The following RETREG1 variants were observed in gnomAD, a reference collection of about 807,000 sequenced individuals.
RETREG1 encodes reticulophagy regulator 1, also known as family with sequence similarity 134 member B.
Under a neutral mutation model 54.8 loss-of-function variants are expected in RETREG1, and 44 were observed. The ratio of observed to expected loss-of-function variants is 0.80; its 90% confidence interval spans 0.63 to 1.03. RETREG1 has a LOEUF of 1.03. Among genes scored for constraint, RETREG1 ranks in the 50% least tolerant of loss-of-function variants. RETREG1 has a pLI of 0.00. For missense variants in RETREG1, 554 were observed against 605.1 expected, an observed-to-expected ratio of 0.92 and a Z score of 0.89; for synonymous variants, 217 against 238.5, an observed-to-expected ratio of 0.91 and a Z score of 0.83.
In RETREG1 at chr5:16,563,877, T is replaced by G. The variant is rs1159054806; in HGVS notation, c.458+1886A>C. 2.0e-5 allele frequency among the ~76,000 whole-genome samples: 3 copies of G among 152,222 alleles called. No individual in the cohort carries two copies. The East Asian group carries it at 5.8e-4, about 29-fold the overall frequency. On this transcript the variant is annotated intron_variant, in intron 3 of 8. Coordinates refer to ENST00000306320, the MANE Select transcript of RETREG1 (RefSeq NM_001034850.3). ...ATACTGGAAAAGAAAAGAGGAAACT[T>G]TCTTAAGTGAGTCACTGTACATATT...
intron 2 of RETREG1, among the ~76,000 whole-genome samples, chr5:16,567,733 G>A (rs1181673085): frequency 6.6e-6 from 1 of 152,050 alleles, no homozygotes. Context: ...AAAACGGGGG[G>A]ATCACTTGAG....
At chr5:16,504,428 C>A (rs1367887693) in intron 3 of RETREG1, among the ~76,000 whole-genome samples, 2 of 152,172 alleles carry the variant, frequency 1.3e-5, no homozygotes, top group African/African-American at 4.8e-5. Flanking sequence ...CAGGAATCAG[C>A]AAATGCTAAA....
chr5:16,544,001 G>A (rs1741322580), intron 3 of RETREG1, among the ~76,000 whole-genome samples: 1 of 138,114 alleles, frequency 7.2e-6, no homozygotes, highest in Non-Finnish European at 1.5e-5. Flanking sequence ...TGGAGACGGA[G>A]TCTCACTCTT....
chr5:16,507,339 G>A (rs531710954), intron 3 of RETREG1, among the ~76,000 whole-genome samples: 1 of 152,274 alleles, frequency 6.6e-6, no homozygotes, highest in South Asian at 2.1e-4. Flanking sequence ...TAGGTGCCAA[G>A]AGGAAAATAA....
chr5:16,565,199 T>A (rs189864188), intron 3 of RETREG1, among the ~76,000 whole-genome samples: 1 of 151,992 alleles, frequency 6.6e-6, no homozygotes, highest in Non-Finnish European at 1.5e-5. Flanking sequence ...CCCTTTACCA[T>A]AGAATGGATG....
chr5:16,481,055 C>G lies in RETREG1; in HGVS notation c.624G>C (p.Thr208=). Residue 208 remains threonine (T), a synonymous_variant, in exon 5 of 9, where the codon ACG becomes ACC. Coordinates refer to ENST00000306320, the MANE Select transcript of RETREG1 (RefSeq NM_001034850.3). ...CCCCAGGAATGTAACTTCCCAAGAT[C>G]GTAAAAAATGTGCACACACTACAGA... ...LLVCSVCTFF[T]ILGSYIPGVI... 2 of 1,611,682 alleles carry G rather than the reference C, an allele frequency of 1.2e-6. No individual in the cohort carries two copies.
chr5:16,477,076 T>C (rs1738570141), intron 8 of RETREG1, among the ~76,000 whole-genome samples: 1 of 152,108 alleles, frequency 6.6e-6, no homozygotes, highest in South Asian at 2.1e-4. Flanking sequence ...TCTCCCACAT[T>C]ATCGCTTGGG....
rs376951753 is a variant in RETREG1, at chr5:16,616,313, G to A, written c.320+339C>T. 648 of 272,512 alleles carry A rather than the reference G, an allele frequency of 2.4e-3. 5 individuals are homozygous for A. The highest frequency in any genetic ancestry group is 0.014 in the South Asian group (207 of 14,656). 16.9% of individuals were successfully genotyped at this position (272,512 alleles called of 1,614,324 possible). The stretch of plus-strand genomic sequence containing the variant: ...CACGTTTGCTCCGGCAAGCTTGGGC[G>A]AGCAGGTCAAGACCTCAGAGTTTTA... On this transcript the variant is annotated intron_variant, in intron 1 of 8. Coordinates refer to ENST00000306320, the MANE Select transcript of RETREG1 (RefSeq NM_001034850.3).
chr5:16,504,694 C>G (rs1423369902), intron 3 of RETREG1, among the ~76,000 whole-genome samples: 2 of 152,168 alleles, frequency 1.3e-5, no homozygotes, highest in Non-Finnish European at 2.9e-5. Flanking sequence ...GAGTCAGCCA[C>G]TTGCCTTCAA....
At chr5:16,508,176 T>C (rs1209510844) in intron 3 of RETREG1, among the ~76,000 whole-genome samples, 4 of 152,268 alleles carry the variant, frequency 2.6e-5, no homozygotes, top group African/African-American at 7.2e-5. Flanking sequence ...GTTTAAACTG[T>C]GGAAATGCTT....
At chr5:16,479,178 AACAC>A (rs1331363126) in intron 5 of RETREG1, among the ~76,000 whole-genome samples, 191 bp from the exon 6 acceptor site, 1 of 151,902 alleles carries the variant, frequency 6.6e-6, no homozygotes, top group African/African-American at 2.4e-5. Context: ...ACCACCCACA[AACAC>A]ACACATGCAT....
rs1486897296 is a variant in RETREG1, at chr5:16,610,650, TG to T, written c.320+6001del. 9.9e-5 allele frequency among the ~76,000 whole-genome samples: 15 copies of T among 152,136 alleles called. No homozygotes were observed. In the East Asian group the frequency reaches 1.7e-3, roughly 18 times the overall value. ...GACATTTATGCAGCCAAAAGACACA[TG>T]GAAAAAATGCTCATCACTGGCCATC... On this transcript the variant is annotated intron_variant, in intron 1 of 8. Transcript: ENST00000306320.
intron 3 of RETREG1, among the ~76,000 whole-genome samples, chr5:16,502,366 G>A (rs1739753531): frequency 6.6e-6 from 1 of 152,134 alleles, no homozygotes; most frequent in Non-Finnish European, 1.5e-5. Flanking sequence ...TCTAATCATG[G>A]CTCCTGGGCT....
At position 16,555,878 on chromosome 5, in the gene RETREG1, G is replaced by A. The variant is rs2126620522; in HGVS notation, c.458+9885C>T. Among the ~76,000 whole-genome samples the A allele has an allele frequency of 1.3e-5, 2 of 152,282 alleles. 1 individual carries two copies. The highest frequency in any genetic ancestry group is 4.1e-4 in the South Asian group (2 of 4,824). ...CAACACAGCATAGGATGAGTTAAGA[G>A]AAATGTTAACTACTAATCATTTTTT... On this transcript the variant is annotated intron_variant, in intron 3 of 8. Transcript: ENST00000306320.
At chr5:16,605,765 A>G (rs534484264) in intron 1 of RETREG1, among the ~76,000 whole-genome samples, 1 of 152,282 alleles carries the variant, frequency 6.6e-6, no homozygotes, top group African/African-American at 2.4e-5. Context: ...TGCTTTGCAG[A>G]TGGCACCTTC....
intron 3 of RETREG1, among the ~76,000 whole-genome samples, chr5:16,547,107 G>C (rs1468359717): frequency 6.6e-6 from 1 of 152,200 alleles, no homozygotes; most frequent in Non-Finnish European, 1.5e-5. Flanking sequence ...GCCTTCTGCA[G>C]AGCAGGTATT....
intron 3 of RETREG1, among the ~76,000 whole-genome samples, chr5:16,523,298 G>C (rs1740595607): frequency 6.6e-6 from 1 of 152,060 alleles, no homozygotes; most frequent in Admixed American, 6.6e-5. Flanking sequence ...TACCCTCCCA[G>C]GCACCACGCC....
chr5:16,478,115 T>C lies in RETREG1; in HGVS notation c.809-17A>G. On this transcript the variant is annotated splice_polypyrimidine_tract_variant and intron_variant, in intron 6 of 8. Coordinates refer to ENST00000306320, the MANE Select transcript of RETREG1 (RefSeq NM_001034850.3). ...TGTCTGCTTCTGTTGAGGAAAAAAT[T>C]TGGAAGCTTTCAGTTTCCTAGCCAA... is the stretch of plus-strand genomic sequence containing the variant. 1 of 1,594,636 alleles carries C rather than the reference T, an allele frequency of 6.3e-7. No individual in the cohort carries two copies. Among genetic ancestry groups the C allele is most frequent in the Non-Finnish European group, 8.6e-7 (1 of 1,163,398 alleles).
chr5:16,562,985 G>A (rs1741904179), intron 3 of RETREG1, among the ~76,000 whole-genome samples: 2 of 151,968 alleles, frequency 1.3e-5, no homozygotes, highest in Non-Finnish European at 2.9e-5. Flanking sequence ...TTAATGGGGG[G>A]ATGGGGGGGA....
Sources: allele counts gnomAD v4.1 joint callset (sites outside exome capture counted in the v4.1 genomes callset), GRCh38; gene constraint gnomAD v4.1.1; transcripts MANE v1.5; gene names NCBI Gene and HGNC (gene_info 2026-07-23, HGNC 2026-07-21).